The following ACSM3 variants were observed in gnomAD, a reference collection of about 807,000 sequenced individuals.
ACSM3 encodes the protein acyl-CoA synthetase medium chain family member 3.
Under a neutral mutation model 74.1 loss-of-function variants are expected in ACSM3, and 61 were observed. The observed-to-expected ratio is 0.82, with a 90% confidence interval of 0.67 to 1.02. The LOEUF is 1.02. Among genes scored for constraint, ACSM3 ranks in the 50% least tolerant of loss-of-function variants. The probability of loss-of-function intolerance (pLI) is 0.00; values close to 1 mark genes in which losing one functional copy is unlikely to be tolerated. For synonymous variants in ACSM3, 213 were observed against 241.5 expected (o/e 0.88, Z 1.09); for missense variants, 660 against 697.0 (o/e 0.95, Z 0.60).
intron 1 of ACSM3, chr16:20,737,592 A>T: frequency 9.6e-7 from 1 of 1,041,320 alleles, no homozygotes; most frequent in Non-Finnish European, 1.3e-6. Flanking sequence ...AGAACATTTT[A>T]ATATATTTGT....
intron 1 of ACSM3, chr16:20,733,121 AAAAAATT>A (rs1222593548): frequency 6.6e-6 from 1 of 150,496 alleles, no homozygotes; most frequent in Admixed American, 6.6e-5. Flanking sequence ...CTACTTAGCT[AAAAAATT>A]AAAAAGTAAA....
chr16:20,794,014 G>A (rs2080664426), intron 12 of ACSM3, among the ~76,000 whole-genome samples: 1 of 152,188 alleles, frequency 6.6e-6, no homozygotes, highest in Admixed American at 6.5e-5. Context: ...GTCAGAGTGA[G>A]GGGGAAAGTG....
At chr16:20,690,912 T>C in intron 1 of ACSM3, 1 of 1,365,438 alleles carries the variant, frequency 7.3e-7, no homozygotes, top group South Asian at 1.4e-5. Context: ...TAACTTTGGT[T>C]CCATACCTTT....
chr16:20,744,754 C>G (rs980786592), intron 1 of ACSM3, among the ~76,000 whole-genome samples: 2 of 152,206 alleles, frequency 1.3e-5, no homozygotes, highest in Non-Finnish European at 2.9e-5. Flanking sequence ...ACTTCCATTT[C>G]CTGCACCTCA....
intron 1 of ACSM3, chr16:20,741,478 C>CCGGGGGGG: frequency 7.5e-7 from 1 of 1,336,934 alleles, no homozygotes; most frequent in East Asian, 3.1e-5. Flanking sequence ...GGCCTGGCAG[C>CCGGGGGGG]CGGCCCGCCC....
At chr16:20,726,680 G>A (rs1487705478) in intron 1 of ACSM3, among the ~76,000 whole-genome samples, 1 of 152,154 alleles carries the variant, frequency 6.6e-6, no homozygotes, top group Non-Finnish European at 1.5e-5. Flanking sequence ...AAACAGGCAG[G>A]GCCCTACTAC....
At chr16:20,719,903 G>T (rs182663378) in intron 1 of ACSM3, among the ~76,000 whole-genome samples, 1 of 152,326 alleles carries the variant, frequency 6.6e-6, no homozygotes, top group Non-Finnish European at 1.5e-5. Context: ...GGGACAGCTA[G>T]ATTGAGATAT....
At chr16:20,794,620 T>C (rs1222802868) in intron 12 of ACSM3, among the ~76,000 whole-genome samples, 1 of 152,256 alleles carries the variant, frequency 6.6e-6, no homozygotes, top group East Asian at 1.9e-4. Flanking sequence ...AGCCCACTTA[T>C]GGATTCTGGG....
intron 1 of ACSM3, among the ~76,000 whole-genome samples, chr16:20,765,512 T>C (rs1403567659): frequency 6.6e-6 from 1 of 152,214 alleles, no homozygotes; most frequent in Non-Finnish European, 1.5e-5. Context: ...CAAATCATAC[T>C]AAACTCTGAT....
Position 20,689,540 on chromosome 16 carries a change from A to T in ACSM3, c.-190+14718A>T, listed in dbSNP as rs529929565. 5.9e-5 allele frequency among the ~76,000 whole-genome samples: 9 copies of T among 152,318 alleles called. No homozygotes were observed. The South Asian group carries it at 1.9e-3, about 32-fold the overall frequency. ...GCAGAATGGATAAAAAAAAAATCCAACTACATGCTGTCTGCAAAAATTAAG... is the reference window on the plus strand; with the variant it reads ...GCAGAATGGATAAAAAAAAAATCCATCTACATGCTGTCTGCAAAAATTAAG... On this transcript the variant is annotated intron_variant, in intron 1 of 3. Transcript: ENST00000561584.
rs1038668273 is a variant in ACSM3, at chr16:20,689,606, CTT to C, written c.-190+14787_-190+14788del. 2.6e-5 allele frequency among the ~76,000 whole-genome samples: 4 copies of C among 151,982 alleles called. No homozygotes were observed. The South Asian group carries it at 8.3e-4, about 32-fold the overall frequency. ...TGAATATGATAAAATCAATGAAAAA[CTT>C]TTAGAATTGTTTTTATAATAAAATG... On this transcript the variant is annotated intron_variant, in intron 1 of 3. Coordinates refer to the ACSM3 transcript ENST00000561584.
At chr16:20,693,591 T>C (rs1478188330) in intron 1 of ACSM3, among the ~76,000 whole-genome samples, 4 of 152,326 alleles carry the variant, frequency 2.6e-5, no homozygotes, top group East Asian at 1.9e-4. Context: ...GAACTAGTAA[T>C]GGCCAGTGAT....
At chr16:20,683,822 C>T (rs1045278679) in intron 1 of ACSM3, among the ~76,000 whole-genome samples, 3 of 151,956 alleles carry the variant, frequency 2.0e-5, no homozygotes, top group African/African-American at 7.3e-5. Flanking sequence ...CCCACCTCAG[C>T]CTCCCAAAGT....
chr16:20,765,341 G>C (rs2080114315), intron 1 of ACSM3, among the ~76,000 whole-genome samples: 1 of 152,124 alleles, frequency 6.6e-6, no homozygotes, highest in African/African-American at 2.4e-5. Context: ...TGAGGAGAAG[G>C]TAATCTTATG....
intron 1 of ACSM3, among the ~76,000 whole-genome samples, chr16:20,722,829 A>T (rs189753691): frequency 2.3e-4 from 35 of 152,306 alleles, no homozygotes; most frequent in Admixed American, 5.9e-4. Flanking sequence ...CCTTCCAGCA[A>T]TTGGAAATTC....
At chr16:20,691,762 TG>T (rs1567315915) in intron 1 of ACSM3, among the ~76,000 whole-genome samples, 1 of 41,564 alleles carries the variant, frequency 2.4e-5, no homozygotes, top group Admixed American at 2.5e-4. Context: ...TGTGTGTGTG[TG>T]TGTGTGTGTG....
chr16:20,768,741 A>G (rs953040925), intron 1 of ACSM3, among the ~76,000 whole-genome samples: 2 of 152,142 alleles, frequency 1.3e-5, no homozygotes, highest in African/African-American at 4.8e-5. Context: ...ATTTAATCCA[A>G]AGACCAGAGT....
At chr16:20,719,735 G>T (rs1171079878) in intron 1 of ACSM3, among the ~76,000 whole-genome samples, 4 of 152,184 alleles carry the variant, frequency 2.6e-5, no homozygotes, top group African/African-American at 9.7e-5. Context: ...GTGAAACCAA[G>T]ATAATAGCTG....
chr16:20,789,478 C>T (rs368020445), intron 9 of ACSM3: 73 of 1,609,132 alleles, frequency 4.5e-5, no homozygotes, highest in Admixed American at 8.3e-5. Flanking sequence ...GGCTTACTTA[C>T]CATTGTCAAC....
Sources: allele counts gnomAD v4.1 joint callset (sites outside exome capture counted in the v4.1 genomes callset), GRCh38; gene constraint gnomAD v4.1.1; transcripts MANE v1.5; gene names NCBI Gene and HGNC (gene_info 2026-07-23, HGNC 2026-07-21).